USP24: variants seen among roughly 807,000 people sequenced by gnomAD.
The protein encoded by USP24 is ubiquitin carboxyl-terminal hydrolase 24.
USP24 carries 97 observed loss-of-function variants against 361.6 expected under a neutral mutation model. The ratio of observed to expected loss-of-function variants is 0.27; its 90% CI spans 0.23 to 0.32. The LOEUF is 0.32. USP24 is among the 10% of genes least tolerant of loss of function. The pLI is 1.00. For synonymous variants in USP24, 1,098 were observed against 1,124.6 expected, an observed-to-expected ratio of 0.98 and a Z score of 0.47; for missense variants, 2,353 against 3,165.6, an observed-to-expected ratio of 0.74 and a Z score of 6.16.
intron 23 of USP24, among the ~76,000 whole-genome samples, chr1:55,142,141 C>G (rs1288094723): frequency 1.3e-5 from 2 of 152,096 alleles, no homozygotes; most frequent in Non-Finnish European, 2.9e-5. Flanking sequence ...AATTGGGAGG[C>G]AGTAGCATTT....
intron 1 of USP24, among the ~76,000 whole-genome samples, chr1:55,200,616 G>A (rs1179627563): frequency 6.6e-6 from 1 of 152,132 alleles, no homozygotes; most frequent in Non-Finnish European, 1.5e-5. Flanking sequence ...TGGATTAACA[G>A]TGTCATCATT....
intron 52 of USP24, 134 bp from the exon 53 acceptor site, chr1:55,093,050 TCTC>T: frequency 1.8e-6 from 1 of 571,402 alleles, no homozygotes; most frequent in South Asian, 3.2e-5. Flanking sequence ...AATTCCCCTT[TCTC>T]AAGTTTTGAA....
At chr1:55,192,704 G>C (rs943717436) in intron 1 of USP24, among the ~76,000 whole-genome samples, 3 of 152,220 alleles carry the variant, frequency 2.0e-5, no homozygotes, top group Non-Finnish European at 2.9e-5. Flanking sequence ...GTTATATGCA[G>C]ATCTGATATT....
At chr1:55,130,656 A>G (rs948869904) in intron 31 of USP24, among the ~76,000 whole-genome samples, 18 of 152,100 alleles carry the variant, frequency 1.2e-4, no homozygotes, top group African/African-American at 4.3e-4. Flanking sequence ...GAGAAAAGGA[A>G]CCTGTGCTCT....
intron 35 of USP24, among the ~76,000 whole-genome samples, chr1:55,123,916 C>A (rs1161501162): frequency 6.6e-6 from 1 of 152,192 alleles, no homozygotes; most frequent in African/African-American, 2.4e-5. Context: ...TACCTTGTAA[C>A]TTGATGTAGA....
chr1:55,069,246 C>T, intron 67 of USP24, 139 bp from the exon 68 acceptor site: 1 of 735,732 alleles, frequency 1.4e-6, no homozygotes, highest in Non-Finnish European at 2.3e-6. Flanking sequence ...AATGTGATAA[C>T]TATTACATCT....
At chr1:55,166,332 G>C (rs1286095938) in intron 6 of USP24, among the ~76,000 whole-genome samples, 1 of 151,900 alleles carries the variant, frequency 6.6e-6, no homozygotes, top group African/African-American at 2.4e-5. Context: ...GAGAATCCTT[G>C]CATTGATCCT....
At chr1:55,093,521 ACACAGTAGGTGTT>A (rs1197705517) in intron 52 of USP24, 1 of 163,108 alleles carries the variant, frequency 6.1e-6, no homozygotes, top group Non-Finnish European at 1.3e-5. Context: ...AGCACGTAGC[ACACAGTAGGTGTT>A]CAATAAATAA....
chr1:55,159,926 T>C (rs1648098597), intron 8 of USP24, among the ~76,000 whole-genome samples: 2 of 152,226 alleles, frequency 1.3e-5, no homozygotes, highest in South Asian at 4.1e-4. Flanking sequence ...TACTATCTTA[T>C]AAAGGTAATT....
At chr1:55,135,816 T>C (rs948078118) in intron 28 of USP24, among the ~76,000 whole-genome samples, 1 of 152,204 alleles carries the variant, frequency 6.6e-6, no homozygotes, top group Admixed American at 6.5e-5. Flanking sequence ...TTACTTTACA[T>C]TAGCTTGCTT....
At chr1:55,201,227 TTC>T (rs1489509924) in intron 1 of USP24, among the ~76,000 whole-genome samples, 1 of 152,206 alleles carries the variant, frequency 6.6e-6, no homozygotes, top group African/African-American at 2.4e-5. Flanking sequence ...CCATATCAGA[TTC>T]TTTGATTCAG....
At chr1:55,083,460 A>G in intron 57 of USP24, 96 bp from the exon 58 acceptor site, 1 of 1,157,564 alleles carries the variant, frequency 8.6e-7, no homozygotes, top group Non-Finnish European at 1.2e-6. Flanking sequence ...AGGAGTCAAT[A>G]TATTTTTTAA....
At chr1:55,170,033 A>C (rs1298144024) in intron 5 of USP24, among the ~76,000 whole-genome samples, 6 of 152,118 alleles carry the variant, frequency 3.9e-5, no homozygotes, top group Admixed American at 3.9e-4. Context: ...TGAAAGAATA[A>C]CTGAGAGGGA....
At chr1:55,103,471 C>T (rs748834974) in intron 42 of USP24, among the ~76,000 whole-genome samples, 5 of 152,180 alleles carry the variant, frequency 3.3e-5, no homozygotes, top group African/African-American at 4.8e-5. Context: ...CCTAATATGC[C>T]TTTTAGCACA....
chr1:55,110,513 A>C (rs1249694448), intron 38 of USP24, among the ~76,000 whole-genome samples: 1 of 152,180 alleles, frequency 6.6e-6, no homozygotes, highest in Non-Finnish European at 1.5e-5. Flanking sequence ...TGCATACGTA[A>C]TACACTCATT....
At chr1:55,106,434 TG>T (rs960555388) in intron 40 of USP24, among the ~76,000 whole-genome samples, 171 bp from the exon 41 acceptor site, 6 of 152,172 alleles carry the variant, frequency 3.9e-5, no homozygotes, top group Non-Finnish European at 7.3e-5. Context: ...GCAAAGCTTG[TG>T]GGGTAGACTA....
At chr1:55,119,410 T>C (rs1047123616) in intron 38 of USP24, among the ~76,000 whole-genome samples, 34 of 152,106 alleles carry the variant, frequency 2.2e-4, no homozygotes, top group African/African-American at 8.0e-4. Flanking sequence ...TGCCGTGGGA[T>C]GGGGGAGGGG....
At chr1:55,139,070 T>A (rs1402936478) in intron 24 of USP24, 60 bp from the exon 25 acceptor site, 5 of 1,445,752 alleles carry the variant, frequency 3.5e-6, no homozygotes, top group Non-Finnish European at 4.7e-6. Flanking sequence ...CTGAGCTCAG[T>A]TCTAGTCTGT....
intron 2 of USP24, among the ~76,000 whole-genome samples, chr1:55,177,204 T>C (rs1420793587): frequency 6.6e-6 from 1 of 152,176 alleles, no homozygotes. Flanking sequence ...TGAACTCCAT[T>C]ACACAGATTT....
Sources: allele counts gnomAD v4.1 joint callset (sites outside exome capture counted in the v4.1 genomes callset), GRCh38; gene constraint gnomAD v4.1.1; transcripts MANE v1.5; gene names NCBI Gene and HGNC (gene_info 2026-07-23, HGNC 2026-07-21).